The following ANK1 variants were observed in gnomAD, a reference collection of about 807,000 sequenced individuals.
ANK1 encodes the protein ankyrin 1.
ANK1 carries 51 observed loss-of-function variants against 210.4 expected under a neutral mutation model. The observed-to-expected ratio is 0.24, with a 90% CI of 0.19 to 0.31. The LOEUF (loss-of-function observed/expected upper bound fraction) is 0.31, where lower values mean the gene tolerates loss of function less well. Ranked by LOEUF, ANK1 falls within the 10% of genes least tolerant of loss-of-function variation. The probability of loss-of-function intolerance (pLI) is 1.00; values close to 1 mark genes in which losing one functional copy is unlikely to be tolerated. For synonymous variants in ANK1, 967 were observed against 1,025.9 expected (o/e 0.94, Z 1.10); for missense variants, 2,051 against 2,504.4 (o/e 0.82, Z 3.86).
Position 41,694,213 on chromosome 8 carries a change from C to G in ANK1, c.3328-111G>C. ...GGCCGTCAGTGCACGGGGTCCCGCC[C>G]TGCTGTTGGACCACAGAACCGACAC... On this transcript the variant is annotated intron_variant, in intron 28 of 42. Coordinates refer to ENST00000289734, the MANE Select transcript of ANK1 (RefSeq NM_000037.4). This position sits in a 1 kb window ranked among gnomAD's most constrained non-coding sequence, Gnocchi z 5.7. 8.5e-7 allele frequency: 1 copy of G among 1,179,872 alleles called. No homozygotes were observed. Among genetic ancestry groups the G allele is most frequent in the Non-Finnish European group, 1.2e-6 (1 of 833,820 alleles). 73.1% of individuals were successfully genotyped at this position (1,179,872 alleles called of 1,614,324 possible).
Position 41,694,870 on chromosome 8 carries a change from C to T in ANK1, c.3116-67G>A, listed in dbSNP as rs1305275299. 2.0e-6 allele frequency: 3 copies of T among 1,521,222 alleles called. No individual in the cohort carries two copies. Among genetic ancestry groups the T allele is most frequent in the Non-Finnish European group, 2.7e-6 (3 of 1,105,738 alleles). 94.2% of individuals were successfully genotyped at this position (1,521,222 alleles called of 1,614,324 possible). ...CACAGGTTCAGGACTTCCAGGGGCC[C>T]CAGAGTCTCCTTGTCCCCAAGACCC... On this transcript the variant is annotated intron_variant, in intron 27 of 42. Coordinates refer to ENST00000289734, the MANE Select transcript of ANK1 (RefSeq NM_000037.4). The surrounding 1 kb of genome is among the most constrained non-coding windows in gnomAD (Gnocchi z 5.7).
rs553428683 is a variant in ANK1 at position 41,825,389 on chromosome 8, C to T, written c.127-67252G>A. ...CTGCAAAACCTCGCCAGCTCTGTCC[C>T]CCCTAGAACTGGCCTTGGGGTCACA... On this transcript the variant is annotated intron_variant, in intron 1 of 42. Transcript: ENST00000265709. Among the ~76,000 whole-genome samples, 71 of 152,344 alleles carry T rather than the reference C, an allele frequency of 4.7e-4. 1 individual carries two copies. Among genetic ancestry groups the T allele is most frequent in the African/African-American group, 1.7e-3 (70 of 41,560 alleles).
chr8:41,667,741 C>T (rs188157222), intron 39 of ANK1, among the ~76,000 whole-genome samples: 59 of 152,250 alleles, frequency 3.9e-4, no homozygotes, highest in Middle Eastern at 6.8e-3. Flanking sequence ...ACTTGGTGAC[C>T]GCCATCCAGA....
intron 1 of ANK1, among the ~76,000 whole-genome samples, chr8:41,779,305 T>C (rs1170230908): frequency 6.6e-6 from 1 of 152,098 alleles, no homozygotes; most frequent in Non-Finnish European, 1.5e-5. Context: ...TGGAGTCCAG[T>C]GGCACAATCA....
At chr8:41,844,326 G>A (rs1409359235) in intron 1 of ANK1, among the ~76,000 whole-genome samples, 1 of 152,208 alleles carries the variant, frequency 6.6e-6, no homozygotes, top group Admixed American at 6.5e-5. Flanking sequence ...TATTGGAGGT[G>A]TTGGCGAATG....
chr8:41,803,078 A>AG (rs58578009), intron 1 of ANK1, among the ~76,000 whole-genome samples: 7,263 of 74,796 alleles, frequency 0.097, 747 homozygotes, highest in African/African-American at 0.21. Flanking sequence ...GAAGGAAGGA[A>AG]GGAAGGGAAG....
Position 41,795,214 on chromosome 8 carries a change from G to A in ANK1, c.27+2298C>T, listed in dbSNP as rs77766916. On this transcript the variant is annotated intron_variant, in intron 1 of 42. Coordinates refer to ENST00000289734, the MANE Select transcript of ANK1 (RefSeq NM_000037.4). ...TTTGGGGTGAGAGGTGGCAACCTGG[G>A]TTTAAAAACTATTATAGGCCAGGCG... is the stretch of plus-strand genomic sequence containing the variant. Among the ~76,000 whole-genome samples the A allele has an allele frequency of 1.3e-3, 201 of 152,026 alleles. 2 individuals are homozygous for A. In the East Asian group the frequency reaches 0.028, roughly 21 times the overall value.
intron 2 of ANK1, among the ~76,000 whole-genome samples, chr8:41,737,514 G>A (rs1218707098): frequency 1.1e-4 from 17 of 152,146 alleles, no homozygotes; most frequent in Non-Finnish European, 2.1e-4. Flanking sequence ...CTCGCAAAGG[G>A]CAGAGAGTAA....
intron 1 of ANK1, among the ~76,000 whole-genome samples, chr8:41,826,138 A>G (rs1805326110): frequency 6.6e-6 from 1 of 152,248 alleles, no homozygotes; most frequent in South Asian, 2.1e-4. Context: ...ATCCAATCCT[A>G]TAGAGGGGAG....
At chr8:41,810,935 A>T (rs1309496074) in intron 1 of ANK1, among the ~76,000 whole-genome samples, 2 of 152,254 alleles carry the variant, frequency 1.3e-5, no homozygotes, top group African/African-American at 4.8e-5. Context: ...CAGGTGCGTC[A>T]GTTCGCGGGT....
intron 1 of ANK1, among the ~76,000 whole-genome samples, chr8:41,804,096 CT>C (rs1339383984): frequency 6.6e-6 from 1 of 152,150 alleles, no homozygotes; most frequent in Non-Finnish European, 1.5e-5. Flanking sequence ...CTGGGTGGTA[CT>C]GGCACAGTGT....
intron 2 of ANK1, among the ~76,000 whole-genome samples, chr8:41,756,361 G>A (rs1839157483): frequency 6.6e-6 from 1 of 151,528 alleles, no homozygotes; most frequent in Non-Finnish European, 1.5e-5. Flanking sequence ...GGCCAGGCTA[G>A]TCTCGAACTT....
chr8:41,847,205 C>T (rs949601123), intron 1 of ANK1, among the ~76,000 whole-genome samples: 2 of 152,202 alleles, frequency 1.3e-5, no homozygotes, highest in African/African-American at 4.8e-5. Context: ...TCACCTCTTG[C>T]TCATATCAGT....
At chr8:41,874,631 G>C (rs980978647) in intron 1 of ANK1, among the ~76,000 whole-genome samples, 2 of 152,196 alleles carry the variant, frequency 1.3e-5, no homozygotes, top group African/African-American at 4.8e-5. Flanking sequence ...CTAACAAGGA[G>C]GTGACCGGAG....
At chr8:41,889,544 G>A (rs966551548) in intron 1 of ANK1, among the ~76,000 whole-genome samples, 2 of 152,178 alleles carry the variant, frequency 1.3e-5, no homozygotes, top group African/African-American at 4.8e-5. Context: ...GGAAAGAATG[G>A]TGCTCTCTTT....
Position 41,668,649 on chromosome 8 carries a change from A to G in ANK1, c.5097-85T>C, listed in dbSNP as rs575303922. 4.8e-5 allele frequency: 66 copies of G among 1,388,644 alleles called. No individual in the cohort carries two copies. In the South Asian group the frequency reaches 7.8e-4, roughly 16 times the overall value. The allele number at this position is 1,388,644 out of a possible 1,614,324, so 86.0% of individuals were successfully genotyped here. ...CCCATCAGTCTCATTCCTTTTAGAC[A>G]CTCTCCCCACCCAGAGCTCTGGCTC... On this transcript the variant is annotated intron_variant, in intron 38 of 42. Coordinates refer to ENST00000289734, the MANE Select transcript of ANK1 (RefSeq NM_000037.4).
chr8:41,709,022 C>A (rs1377228125), intron 16 of ANK1, 47 bp from the exon 17 acceptor site: 1 of 1,608,672 alleles, frequency 6.2e-7, no homozygotes, highest in Non-Finnish European at 8.5e-7. Context: ...GAATGCTGAG[C>A]TGACAATATC....
chr8:41,840,242 A>T (rs1808618614), intron 1 of ANK1: 1 of 152,062 alleles, frequency 6.6e-6, no homozygotes, highest in South Asian at 2.1e-4. Context: ...TGCTGAACTT[A>T]GTGTGGGCAT....
At chr8:41,896,242 C>A (rs1027412298) in intron 1 of ANK1, 49 of 1,364,162 alleles carry the variant, frequency 3.6e-5, no homozygotes, top group Non-Finnish European at 4.5e-5. Context: ...GTGCCGCCAA[C>A]TCCGCCGCAC....
Sources: gnomAD v4.1 joint callset for allele counts (sites outside exome capture counted in the v4.1 genomes callset) on GRCh38, gnomAD v4.1.1 for gene constraint, Gnocchi (gnomAD v3.1) non-coding constraint, MANE v1.5 for transcripts, NCBI Gene and HGNC (gene_info 2026-07-23, HGNC 2026-07-21) for gene names.